Variants in TRPC4AP observed in about 807,000 individuals in gnomAD.
TRPC4AP encodes transient receptor potential cation channel subfamily C member 4 associated protein.
In TRPC4AP, 45 loss-of-function variants were observed where a neutral mutation model predicts 99.0. The ratio of observed to expected loss-of-function variants is 0.45; its 90% confidence interval spans 0.36 to 0.58. TRPC4AP has a LOEUF of 0.58. Ranked by LOEUF, TRPC4AP falls within the 20% of genes least tolerant of loss-of-function variation. The pLI, the probability that TRPC4AP is intolerant of heterozygous loss-of-function variation, is 0.00. For synonymous variants in TRPC4AP, 408 were observed against 385.8 expected (o/e 1.06, Z -0.67); for missense variants, 879 against 985.3 (o/e 0.89, Z 1.44).
chr20:35,006,569 G>C lies in TRPC4AP; in HGVS notation c.1693C>G (p.Leu565Val). The change falls in exon 15 of 19, where the codon CTT becomes GTT. Residue 565 changes from leucine to valine, a missense_variant. Transcript: ENST00000252015. ...CACTCGCTGTCCACAATGCAGTAAA[G>C]GATGTGCTGGGTGAGGAGGGACAGG... ...LLKRGLLEHI[L>V]YCIVDSECKS... 1.2e-6 allele frequency: 2 copies of C among 1,613,808 alleles called. No individual in the cohort carries two copies. Among genetic ancestry groups the C allele is most frequent in the South Asian group, 1.1e-5 (1 of 91,062 alleles).
intron 5 of TRPC4AP, among the ~76,000 whole-genome samples, chr20:35,054,189 GTT>G (rs11430339): frequency 7.5e-5 from 11 of 146,828 alleles, no homozygotes; most frequent in Non-Finnish European, 1.3e-4. Context: ...GGAGCTAAAT[GTT>G]TTTTTTTTTT....
chr20:35,092,555 C>T (rs997287597), intron 1 of TRPC4AP, 59 bp downstream of exon 1: 53 of 1,394,858 alleles, frequency 3.8e-5, no homozygotes, highest in Non-Finnish European at 4.5e-5. Flanking sequence ...TCTTCCCCGG[C>T]CCCCCGCCAG....
chr20:35,006,601 G>A, intron 14 of TRPC4AP, 26 bp from the exon 15 acceptor site: 1 of 1,607,502 alleles, frequency 6.2e-7, no homozygotes, highest in South Asian at 1.1e-5. Flanking sequence ...CAGGGTGAAG[G>A]TGTCAACGTG....
At chr20:35,077,340 G>A (rs73616620) in intron 2 of TRPC4AP, among the ~76,000 whole-genome samples, 3 of 152,296 alleles carry the variant, frequency 2.0e-5, no homozygotes, top group Non-Finnish European at 2.9e-5. Flanking sequence ...CTTAGGCATC[G>A]CTCATGCTGG....
chr20:35,022,760 C>T (rs2082924265), intron 8 of TRPC4AP, among the ~76,000 whole-genome samples: 1 of 152,198 alleles, frequency 6.6e-6, no homozygotes, highest in Non-Finnish European at 1.5e-5. Flanking sequence ...GTGGCTCATG[C>T]CTATGATCCC....
intron 5 of TRPC4AP, 108 bp downstream of exon 5, chr20:35,054,868 T>G: frequency 1.0e-6 from 1 of 961,826 alleles, no homozygotes; most frequent in East Asian, 2.6e-5. Context: ...ATTCCCCCAC[T>G]GTCTGAAAGC....
intron 3 of TRPC4AP, among the ~76,000 whole-genome samples, chr20:35,062,484 A>G (rs1254269183): frequency 1.3e-5 from 2 of 152,248 alleles, no homozygotes; most frequent in African/African-American, 2.4e-5. Context: ...ATACAGTGGA[A>G]TATTTCTTGA....
intron 8 of TRPC4AP, among the ~76,000 whole-genome samples, chr20:35,029,487 A>T (rs965397229): frequency 2.0e-5 from 3 of 151,964 alleles, no homozygotes; most frequent in Non-Finnish European, 4.4e-5. Flanking sequence ...GACTTCTGCC[A>T]TTTAACTTTT....
intron 16 of TRPC4AP, 94 bp downstream of exon 16, chr20:35,005,601 C>T: frequency 8.1e-7 from 1 of 1,232,894 alleles, no homozygotes; most frequent in Non-Finnish European, 1.2e-6. Flanking sequence ...GTGCAGCTCC[C>T]TCAGTCATTC....
intron 9 of TRPC4AP, among the ~76,000 whole-genome samples, chr20:35,018,623 A>AAAAG (rs1464510234): frequency 2.7e-5 from 4 of 147,052 alleles, no homozygotes; most frequent in Admixed American, 6.7e-5. Context: ...AAAAAAAAAA[A>AAAAG]AAAGAAAGAA....
intron 16 of TRPC4AP, among the ~76,000 whole-genome samples, chr20:35,005,268 G>C (rs1600494204): frequency 6.6e-6 from 1 of 152,212 alleles, no homozygotes; most frequent in African/African-American, 2.4e-5. Flanking sequence ...ACCCTCAGGA[G>C]AATCTGCTGG....
intron 7 of TRPC4AP, among the ~76,000 whole-genome samples, chr20:35,040,072 C>T (rs960811519): frequency 1.3e-5 from 2 of 151,912 alleles, no homozygotes; most frequent in Non-Finnish European, 2.9e-5. Context: ...CAGTTATGGA[C>T]TGTGTCCCCA....
intron 7 of TRPC4AP, among the ~76,000 whole-genome samples, chr20:35,039,608 A>C (rs920392638): frequency 2.6e-5 from 4 of 152,040 alleles, no homozygotes; most frequent in Admixed American, 1.3e-4. Context: ...TATTCCCCCC[A>C]TACTCCTGTA....
In TRPC4AP at chr20:35,006,528, C is replaced by G; in HGVS notation, c.1734G>C (p.Val578=). Residue 578 remains valine, a synonymous_variant, in exon 15 of 19, where the codon GTG becomes GTC. Transcript: ENST00000252015. ...CCAGGAGGTCAAAGTAACTCTGGAG[C>G]ACATCCCTTGACTTACACTCGCTGT... is the stretch of plus-strand genomic sequence containing the variant. ...IVDSECKSRD[V]LQSYFDLLGE... 1 of 1,614,208 alleles carries G rather than the reference C, an allele frequency of 6.2e-7. No individual in the cohort carries two copies. The highest frequency in any genetic ancestry group is 8.5e-7 in the Non-Finnish European group (1 of 1,180,050).
rs1052750160 is a variant in TRPC4AP at position 35,055,025 on chromosome 20, T to C, written c.479A>G (p.Asp160Gly). The change falls in exon 5 of 19, where the codon GAT becomes GGT. Residue 160 changes from aspartate to glycine, a missense_variant. Physicochemically the swap from Asp to Gly is moderately conservative, Grantham distance 94. Transcript: ENST00000252015. ...ACTCAAGCAGTCCTTGGACATTTCA[T>C]CACTTACTGAAAGTGAAAGGGTAAT... ...SIRGQKLKIS[D>G]EMSKDCLSIL... The C allele has an allele frequency of 6.2e-7, 1 of 1,613,620 alleles. No individual in the cohort carries two copies. The highest frequency in any genetic ancestry group is 8.5e-7 in the Non-Finnish European group (1 of 1,179,708).
Position 35,069,369 on chromosome 20 carries a change from G to A in TRPC4AP, c.341C>T (p.Thr114Ile). Residue 114 changes from threonine to isoleucine, a missense_variant, in exon 3 of 19, where the codon ACT becomes ATT. Physicochemically the swap from Thr to Ile is moderately conservative, Grantham distance 89. Around this residue, in one of 3 missense-constraint regions of TRPC4AP, gnomAD observed 603 missense variants for 631.8 expected, o/e 0.95. Transcript: ENST00000252015. Reference sequence around the variant, plus strand: ...TTCTTGGGTAAGTTTCCTCTCTTCAGTAACAAATGCCATAGCCTCCATGGA... The same window carrying A: ...TTCTTGGGTAAGTTTCCTCTCTTCAATAACAAATGCCATAGCCTCCATGGA... ...LLSMEAMAFV[T>I]EERKLTQETT... The A allele has an allele frequency of 6.2e-7, 1 of 1,612,694 alleles. No homozygotes were observed. The highest frequency in any genetic ancestry group is 8.5e-7 in the Non-Finnish European group (1 of 1,178,940).
Position 35,013,029 on chromosome 20 carries a change from T to C in TRPC4AP, c.1388A>G (p.Gln463Arg). 1 of 1,614,142 alleles carries C rather than the reference T, an allele frequency of 6.2e-7. No homozygotes were observed. Among genetic ancestry groups the C allele is most frequent in the Non-Finnish European group, 8.5e-7 (1 of 1,180,040 alleles). Residue 463 changes from glutamine (Q) to arginine (R), a missense_variant, in exon 11 of 19, where the codon CAG (glutamine) becomes CGG (arginine). Gln to Arg is a conservative substitution (Grantham distance 43). Around this residue, in one of 3 missense-constraint regions of TRPC4AP, gnomAD observed 603 missense variants for 631.8 expected, o/e 0.95. Transcript: ENST00000252015. ...TLKIQFLRLL[Q>R]SFSDHHENKY... The stretch of plus-strand genomic sequence containing the variant: ...TTACTCGTGGTGGTCACTGAAGCTC[T>C]GAAGAAGCCTCAAAAACTGTATCTT...
At chr20:35,039,797 GAAC>G (rs1285536204) in intron 7 of TRPC4AP, among the ~76,000 whole-genome samples, 4 of 151,930 alleles carry the variant, frequency 2.6e-5, no homozygotes, top group African/African-American at 9.7e-5. Flanking sequence ...ATCGACAGAA[GAAC>G]AACTGGTAGT....
chr20:35,023,253 T>C (rs2082937643), intron 8 of TRPC4AP, among the ~76,000 whole-genome samples: 1 of 152,166 alleles, frequency 6.6e-6, no homozygotes, highest in African/African-American at 2.4e-5. Flanking sequence ...TGGACCTCTC[T>C]GTGCTTCAGT....
Sources: allele counts gnomAD v4.1 joint callset (sites outside exome capture counted in the v4.1 genomes callset), GRCh38; gene constraint gnomAD v4.1.1; regional missense constraint gnomAD v4.1.1; transcripts MANE v1.5; gene names NCBI Gene and HGNC (gene_info 2026-07-23, HGNC 2026-07-21).